The following CLTCL1 variants were observed in gnomAD, a reference collection of about 807,000 sequenced individuals.
CLTCL1 encodes the protein clathrin heavy chain 2.
CLTCL1 carries 159 observed loss-of-function variants against 190.0 expected under a neutral mutation model. That is an observed-to-expected ratio of 0.84 (90% CI 0.74 to 0.95). CLTCL1 has a LOEUF of 0.95. CLTCL1 is among the 40% of genes least tolerant of loss of function. The pLI, the probability that CLTCL1 is intolerant of heterozygous loss-of-function variation, is 0.00. For synonymous variants in CLTCL1, 752 were observed against 769.6 expected (o/e 0.98, Z 0.38); for missense variants, 1,878 against 2,033.4 (o/e 0.92, Z 1.47).
At chr22:19,210,072 TC>T (rs1555945566) in intron 20 of CLTCL1, among the ~76,000 whole-genome samples, 1 of 151,910 alleles carries the variant, frequency 6.6e-6, no homozygotes, top group Admixed American at 6.6e-5. Flanking sequence ...GGTACCCAAG[TC>T]CAAGGGAGTG....
At chr22:19,279,222 G>A (rs745918804) in intron 1 of CLTCL1, among the ~76,000 whole-genome samples, 4 of 152,050 alleles carry the variant, frequency 2.6e-5, no homozygotes, top group African/African-American at 7.2e-5. Context: ...TGCAACCTCC[G>A]CTTCCCGAGT....
chr22:19,284,631 G>T (rs1277681750), intron 1 of CLTCL1, among the ~76,000 whole-genome samples: 1 of 152,042 alleles, frequency 6.6e-6, no homozygotes, highest in Non-Finnish European at 1.5e-5. Flanking sequence ...TTGCATTCCA[G>T]CCTGGGCAAC....
chr22:19,233,449 G>C lies in CLTCL1; in HGVS notation c.1341C>G (p.Leu447=). Residue 447 remains leucine, a synonymous_variant, in exon 8 of 33, where the codon CTC becomes CTG. Coordinates refer to ENST00000427926, the MANE Select transcript of CLTCL1 (RefSeq NM_007098.4). ...TATCTTCTTTCAGCCACTTCTCTAG[G>C]AGTTGCTTACGCCCCTGCTGAAGAA... The part of the protein sequence containing the change: ...HLVLQQGRKQ[L]LEKWLKEDKL... 6.2e-7 allele frequency: 1 copy of C among 1,613,748 alleles called. No individual in the cohort carries two copies. Among genetic ancestry groups the C allele is most frequent in the East Asian group, 2.2e-5 (1 of 44,876 alleles).
intron 19 of CLTCL1, among the ~76,000 whole-genome samples, chr22:19,212,583 A>AAGAG (rs1245830518): frequency 7.8e-6 from 1 of 128,072 alleles, no homozygotes; most frequent in African/African-American, 2.9e-5. Context: ...GAAAGAAAGA[A>AAGAG]AGAGAAAGAA....
intron 10 of CLTCL1, among the ~76,000 whole-genome samples, chr22:19,230,775 T>C (rs1555958643): frequency 6.6e-6 from 1 of 152,142 alleles, no homozygotes; most frequent in East Asian, 1.9e-4. Context: ...TTGACTGGAT[T>C]AAGGAACACA....
chr22:19,275,757 C>CA lies in CLTCL1; in HGVS notation c.115dup (p.Cys39LeufsTer8), dbSNP rs782803163. ...CTGCTCACCAACTTTCTCTCGGATACATATGAACTTGTCAGATTCCATGGT... is the reference window on the plus strand; with the variant it reads ...CTGCTCACCAACTTTCTCTCGGATACAATATGAACTTGTCAGATTCCATGGT... On this transcript the variant is annotated frameshift_variant, in exon 2 of 33. Transcript: ENST00000427926. LOFTEE classifies it high-confidence loss of function. The CA allele has an allele frequency of 6.0e-5, 96 of 1,610,134 alleles. No individual in the cohort carries two copies. Among genetic ancestry groups the CA allele is most frequent in the Non-Finnish European group, 7.7e-5 (91 of 1,178,324 alleles).
intron 29 of CLTCL1, among the ~76,000 whole-genome samples, chr22:19,185,219 C>A (rs1555927721): frequency 6.6e-6 from 1 of 152,230 alleles, no homozygotes; most frequent in East Asian, 1.9e-4. Context: ...CCTCTACGGC[C>A]TATACACAGC....
chr22:19,270,726 C>CAAAAAAA (rs35877753), intron 2 of CLTCL1, among the ~76,000 whole-genome samples: 37 of 78,606 alleles, frequency 4.7e-4, no homozygotes, highest in East Asian at 1.0e-3. Flanking sequence ...GACTCCAACT[C>CAAAAAAA]AAAAAAAAAA....
intron 2 of CLTCL1, among the ~76,000 whole-genome samples, chr22:19,270,725 T>G (rs1443520074): frequency 3.2e-5 from 1 of 30,998 alleles, no homozygotes. Flanking sequence ...AGACTCCAAC[T>G]CAAAAAAAAA....
intron 30 of CLTCL1, 134 bp from the exon 31 acceptor site, chr22:19,180,940 T>C: frequency 1.3e-6 from 1 of 750,714 alleles, no homozygotes; most frequent in Non-Finnish European, 2.4e-6. Context: ...TGGGCAGATG[T>C]GGAGTGGCTC....
intron 11 of CLTCL1, among the ~76,000 whole-genome samples, chr22:19,228,540 T>G (rs1421478365): frequency 6.6e-6 from 1 of 152,196 alleles, no homozygotes; most frequent in Non-Finnish European, 1.5e-5. Flanking sequence ...TAACAGTACT[T>G]TTATTTCCTA....
intron 1 of CLTCL1, among the ~76,000 whole-genome samples, chr22:19,280,932 T>TG (rs1555986239): frequency 6.6e-6 from 1 of 150,586 alleles, no homozygotes; most frequent in East Asian, 2.0e-4. Flanking sequence ...TAGATGGGGT[T>TG]GGGGGGAGGA....
chr22:19,281,843 C>G (rs1250403252), intron 1 of CLTCL1, among the ~76,000 whole-genome samples: 2 of 152,130 alleles, frequency 1.3e-5, no homozygotes, highest in Non-Finnish European at 2.9e-5. Flanking sequence ...ATAATAGTAG[C>G]TGAGTCAAGT....
intron 3 of CLTCL1, among the ~76,000 whole-genome samples, chr22:19,252,968 C>T (rs1023765538): frequency 4.8e-5 from 7 of 147,272 alleles, no homozygotes; most frequent in Admixed American, 1.4e-4. Flanking sequence ...GAGCCGAGAT[C>T]GCGCCACTGC....
chr22:19,258,334 A>C, intron 2 of CLTCL1: 1 of 417,406 alleles, frequency 2.4e-6, no homozygotes, highest in Non-Finnish European at 4.6e-6. Context: ...TACTGATCCC[A>C]GCAGATTGAG....
At chr22:19,274,018 C>T (rs972583092) in intron 2 of CLTCL1, among the ~76,000 whole-genome samples, 2 of 152,176 alleles carry the variant, frequency 1.3e-5, no homozygotes, top group African/African-American at 4.8e-5. Context: ...CACACACACA[C>T]ACACCCTAGG....
Position 19,275,848 on chromosome 22 carries a change from A to G in CLTCL1, c.43-18T>C. 6.4e-7 allele frequency: 1 copy of G among 1,561,670 alleles called. No homozygotes were observed. Among genetic ancestry groups the G allele is most frequent in the Non-Finnish European group, 8.7e-7 (1 of 1,151,626 alleles). ...TTTTGGAGCTAAACAGAAAAAAAGCATTTGATTAAATTTTTTTCCTCTGAA... is the reference window on the plus strand; with the variant it reads ...TTTTGGAGCTAAACAGAAAAAAAGCGTTTGATTAAATTTTTTTCCTCTGAA... On this transcript the variant is annotated intron_variant, in intron 1 of 32. Coordinates refer to ENST00000427926, the MANE Select transcript of CLTCL1 (RefSeq NM_007098.4).
chr22:19,188,674 T>C (rs1215374602), intron 27 of CLTCL1, among the ~76,000 whole-genome samples: 1 of 151,344 alleles, frequency 6.6e-6, no homozygotes, highest in Non-Finnish European at 1.5e-5. Flanking sequence ...TGCAGTGCCG[T>C]GATCTCGGCT....
chr22:19,280,818 C>CA (rs35797654), intron 1 of CLTCL1, among the ~76,000 whole-genome samples: 4,987 of 58,988 alleles, frequency 0.085, 330 homozygotes, highest in Middle Eastern at 0.17. Context: ...GACTCCATCT[C>CA]AAAAAAAAAA....
Sources: allele counts gnomAD v4.1 joint callset (sites outside exome capture counted in the v4.1 genomes callset), GRCh38; gene constraint gnomAD v4.1.1; transcripts MANE v1.5; gene names NCBI Gene and HGNC (gene_info 2026-07-23, HGNC 2026-07-21).